The following MALRD1 variants were observed in gnomAD, a reference collection of about 807,000 sequenced individuals.
MALRD1 encodes MAM and LDL-receptor class A domain-containing protein 1.
In MALRD1, 247 loss-of-function variants were observed where a neutral mutation model predicts 242.1. The ratio of observed to expected loss-of-function variants is 1.02; its 90% CI spans 0.92 to 1.13. The LOEUF is 1.13. Among genes scored for constraint, MALRD1 ranks in the 50% most tolerant of loss-of-function variants. The pLI, the probability that MALRD1 is intolerant of heterozygous loss-of-function variation, is 0.00. For synonymous variants in MALRD1, 995 were observed against 866.6 expected, an observed-to-expected ratio of 1.15 and a Z score of -2.60; for missense variants, 2,989 against 2,533.1, an observed-to-expected ratio of 1.18 and a Z score of -3.86.
chr10:19,245,415 AAAAT>A (rs1339452670), intron 18 of MALRD1, among the ~76,000 whole-genome samples: 5 of 152,316 alleles, frequency 3.3e-5, no homozygotes, highest in African/African-American at 1.2e-4. Flanking sequence ...TTTGAGCAAT[AAAAT>A]AAATAAATGT....
intron 14 of MALRD1, among the ~76,000 whole-genome samples, chr10:19,184,899 A>C (rs2131568927): frequency 6.6e-6 from 1 of 152,234 alleles, no homozygotes; most frequent in South Asian, 2.1e-4. Flanking sequence ...TTTCCCCAAA[A>C]CATTATGCTA....
chr10:19,210,914 G>A (rs1387192758), intron 18 of MALRD1, among the ~76,000 whole-genome samples: 2 of 152,108 alleles, frequency 1.3e-5, no homozygotes, highest in Non-Finnish European at 2.9e-5. Flanking sequence ...TGTAAAGTAT[G>A]TGTAAGCGTG....
rs143474392 is a variant in MALRD1 at position 19,428,356 on chromosome 10, A to G, written c.4846-21951A>G. ...AAACTGCTTCAGAAAAGTCTTCTTCACCTGAAATTGTTCTGATCTGATTCT... is the reference window on the plus strand; with the variant it reads ...AAACTGCTTCAGAAAAGTCTTCTTCGCCTGAAATTGTTCTGATCTGATTCT... On this transcript the variant is annotated intron_variant, in intron 28 of 39. Coordinates refer to ENST00000454679, the MANE Select transcript of MALRD1 (RefSeq NM_001142308.3). Among the ~76,000 whole-genome samples, 369 of 152,152 alleles carry G rather than the reference A, an allele frequency of 2.4e-3. 1 individual carries two copies. Among genetic ancestry groups the G allele is most frequent in the African/African-American group, 8.2e-3 (341 of 41,520 alleles).
intron 29 of MALRD1, among the ~76,000 whole-genome samples, chr10:19,472,456 A>T (rs1158034071): frequency 6.6e-6 from 1 of 151,968 alleles, no homozygotes; most frequent in African/African-American, 2.4e-5. Flanking sequence ...TTATTTGTGA[A>T]AGTTTGAGAA....
At chr10:19,597,710 G>A (rs1396781590) in intron 34 of MALRD1, among the ~76,000 whole-genome samples, 2 of 152,154 alleles carry the variant, frequency 1.3e-5, no homozygotes, top group Non-Finnish European at 2.9e-5. Flanking sequence ...TAGTGAAGGA[G>A]GCTAGTCAGT....
chr10:19,584,175 G>T (rs1224539983), intron 33 of MALRD1, among the ~76,000 whole-genome samples: 1 of 151,670 alleles, frequency 6.6e-6, no homozygotes, highest in Non-Finnish European at 1.5e-5. Context: ...CAAAAAACCA[G>T]CTCCTGGATT....
intron 33 of MALRD1, among the ~76,000 whole-genome samples, chr10:19,585,651 C>T (rs527374196): frequency 2.0e-5 from 3 of 151,914 alleles, no homozygotes; most frequent in Non-Finnish European, 4.4e-5. Flanking sequence ...TTCTGGCTGC[C>T]CTTAACATTT....
At chr10:19,606,342 T>A (rs1286439785) in intron 34 of MALRD1, among the ~76,000 whole-genome samples, 1 of 152,088 alleles carries the variant, frequency 6.6e-6, no homozygotes, top group Non-Finnish European at 1.5e-5. Flanking sequence ...TAGTAGCAGG[T>A]TTGGAGTAAA....
intron 28 of MALRD1, among the ~76,000 whole-genome samples, chr10:19,440,187 G>A (rs1168263404): frequency 2.6e-5 from 4 of 152,060 alleles, no homozygotes; most frequent in Non-Finnish European, 4.4e-5. Flanking sequence ...CATTGACTTC[G>A]GGAGAGTTCT....
chr10:19,060,739 A>T (rs1834799621), intron 1 of MALRD1, among the ~76,000 whole-genome samples: 2 of 152,168 alleles, frequency 1.3e-5, no homozygotes, highest in Non-Finnish European at 2.9e-5. Flanking sequence ...CACAGAGTAG[A>T]AGGTGAAGAA....
intron 28 of MALRD1, among the ~76,000 whole-genome samples, chr10:19,433,413 A>G (rs1460406881): frequency 6.6e-6 from 1 of 152,168 alleles, no homozygotes; most frequent in Admixed American, 6.6e-5. Context: ...CTGGAGCAGG[A>G]GTGAGGAGAA....
chr10:19,684,208 C>G (rs1842484843), intron 36 of MALRD1, among the ~76,000 whole-genome samples: 1 of 152,074 alleles, frequency 6.6e-6, no homozygotes, highest in Admixed American at 6.6e-5. Flanking sequence ...CAGATTGCAC[C>G]CTTTGGTGAT....
At chr10:19,586,754 C>G (rs1466649225) in intron 33 of MALRD1, among the ~76,000 whole-genome samples, 2 of 152,232 alleles carry the variant, frequency 1.3e-5, no homozygotes, top group East Asian at 3.9e-4. Context: ...TGGGCTCCAC[C>G]CAGTTCCAGC....
At chr10:19,117,810 GA>G (rs1195144928) in intron 5 of MALRD1, among the ~76,000 whole-genome samples, 1 of 152,178 alleles carries the variant, frequency 6.6e-6, no homozygotes, top group African/African-American at 2.4e-5. Flanking sequence ...AAGTGAACAT[GA>G]TGTATATTGA....
At chr10:19,451,913 C>T (rs1373955291) in intron 29 of MALRD1, among the ~76,000 whole-genome samples, 2 of 152,106 alleles carry the variant, frequency 1.3e-5, no homozygotes, top group African/African-American at 4.8e-5. Context: ...GTATCTATGT[C>T]ATGCAGGAGA....
chr10:19,672,296 C>T (rs74119726), intron 36 of MALRD1, among the ~76,000 whole-genome samples: 1,999 of 151,782 alleles, frequency 0.013, 34 homozygotes, highest in African/African-American at 0.046. Context: ...TATTATATTA[C>T]TACCAGCTCT....
intron 19 of MALRD1, among the ~76,000 whole-genome samples, chr10:19,271,826 G>A (rs1284937898): frequency 2.6e-5 from 4 of 152,134 alleles, no homozygotes; most frequent in Non-Finnish European, 2.9e-5. Flanking sequence ...AACTGTGAGA[G>A]GATATTTGGT....
intron 7 of MALRD1, among the ~76,000 whole-genome samples, chr10:19,127,805 A>G (rs1235402494): frequency 1.3e-5 from 2 of 152,072 alleles, no homozygotes; most frequent in African/African-American, 4.8e-5. Context: ...AGGATTTTCT[A>G]CAAAAAGTAA....
intron 21 of MALRD1, among the ~76,000 whole-genome samples, 182 bp from the exon 22 acceptor site, chr10:19,323,767 C>G (rs1053862838): frequency 5.9e-5 from 9 of 152,102 alleles, no homozygotes; most frequent in African/African-American, 2.2e-4. Flanking sequence ...CGCCACCACT[C>G]CCAGCTTATT....
Sources: allele counts gnomAD v4.1 joint callset (sites outside exome capture counted in the v4.1 genomes callset), GRCh38; gene constraint gnomAD v4.1.1; transcripts MANE v1.5; gene names NCBI Gene and HGNC (gene_info 2026-07-23, HGNC 2026-07-21).